Variants in EXOC6B observed in about 807,000 individuals in gnomAD.
EXOC6B encodes SEC15 homolog B.
In EXOC6B, 54 loss-of-function variants were observed where a neutral mutation model predicts 113.5. That is an observed-to-expected ratio of 0.48 (90% CI 0.38 to 0.60). EXOC6B has a LOEUF of 0.60. EXOC6B is among the 20% of genes least tolerant of loss of function. EXOC6B has a pLI of 0.00. For missense variants in EXOC6B, 797 were observed against 977.5 expected, an observed-to-expected ratio of 0.82 and a Z score of 2.46; for synonymous variants, 357 against 339.0, an observed-to-expected ratio of 1.05 and a Z score of -0.58.
intron 8 of EXOC6B, among the ~76,000 whole-genome samples, chr2:72,544,534 C>A (rs1014980587): frequency 6.6e-6 from 1 of 151,990 alleles, no homozygotes; most frequent in African/African-American, 2.4e-5. Flanking sequence ...TTAGGACGTG[C>A]TTGCTTCAAT....
At chr2:72,361,683 TC>T (rs1285507817) in intron 19 of EXOC6B, among the ~76,000 whole-genome samples, 1 of 152,172 alleles carries the variant, frequency 6.6e-6, no homozygotes, top group Admixed American at 6.6e-5. Context: ...AGTTCTGATG[TC>T]CCAGTGACAA....
intron 20 of EXOC6B, among the ~76,000 whole-genome samples, chr2:72,301,478 G>T (rs556204054): frequency 2.0e-5 from 3 of 152,208 alleles, no homozygotes; most frequent in Non-Finnish European, 2.9e-5. Context: ...ATCTAGTCCT[G>T]GGCTTTTTAT....
intron 18 of EXOC6B, among the ~76,000 whole-genome samples, chr2:72,425,541 A>G (rs1695154709): frequency 1.3e-5 from 2 of 152,308 alleles, no homozygotes; most frequent in Non-Finnish European, 1.5e-5. Context: ...AGCAATCAGC[A>G]TATTAATATG....
chr2:72,301,153 T>C (rs1686501127), intron 20 of EXOC6B, among the ~76,000 whole-genome samples: 1 of 152,230 alleles, frequency 6.6e-6, no homozygotes, highest in African/African-American at 2.4e-5. Context: ...CATTTACTGA[T>C]GTGTGTATGT....
At chr2:72,315,654 T>C (rs2104808017) in intron 20 of EXOC6B, among the ~76,000 whole-genome samples, 1 of 152,266 alleles carries the variant, frequency 6.6e-6, no homozygotes, top group South Asian at 2.1e-4. Flanking sequence ...AAACATAATT[T>C]GCTGACAGAT....
chr2:72,292,750 T>A (rs1164143103), intron 20 of EXOC6B, among the ~76,000 whole-genome samples: 2 of 152,202 alleles, frequency 1.3e-5, no homozygotes, highest in Non-Finnish European at 2.9e-5. Flanking sequence ...TACAGTTTTG[T>A]CACTTACAGA....
chr2:72,516,183 T>C (rs746282780), intron 8 of EXOC6B, among the ~76,000 whole-genome samples: 4 of 152,198 alleles, frequency 2.6e-5, no homozygotes, highest in Admixed American at 1.3e-4. Flanking sequence ...CTCTAGGAAA[T>C]GAATACAAAC....
intron 18 of EXOC6B, among the ~76,000 whole-genome samples, chr2:72,453,483 C>CT (rs1697028343): frequency 1.3e-5 from 2 of 152,096 alleles, no homozygotes; most frequent in South Asian, 2.1e-4. Flanking sequence ...TCCTGGTGAA[C>CT]TTTTTTCTCA....
intron 15 of EXOC6B, 40 bp downstream of exon 15, chr2:72,495,390 A>C (rs766010263): frequency 3.6e-6 from 4 of 1,114,936 alleles, no homozygotes; most frequent in Non-Finnish European, 5.2e-6. Flanking sequence ...TGGAGTCACA[A>C]TCTTAGCATT....
intron 6 of EXOC6B, among the ~76,000 whole-genome samples, chr2:72,691,455 G>GA (rs945644825): frequency 4.2e-4 from 63 of 151,548 alleles, no homozygotes; most frequent in African/African-American, 1.5e-3. Flanking sequence ...AAATTTAAAA[G>GA]AAAAAATCTG....
At chr2:72,203,939 T>G (rs1679662201) in intron 20 of EXOC6B, among the ~76,000 whole-genome samples, 1 of 152,208 alleles carries the variant, frequency 6.6e-6, no homozygotes, top group Non-Finnish European at 1.5e-5. Context: ...GCTTCTGGAA[T>G]TCTCTGGCCT....
intron 6 of EXOC6B, among the ~76,000 whole-genome samples, chr2:72,601,443 C>T (rs1233328583): frequency 5.3e-5 from 8 of 152,074 alleles, no homozygotes; most frequent in Admixed American, 5.2e-4. Context: ...CCTTGGCCTC[C>T]CAAAGTGCTG....
intron 6 of EXOC6B, among the ~76,000 whole-genome samples, chr2:72,605,619 T>C (rs1419322377): frequency 2.0e-5 from 3 of 152,236 alleles, no homozygotes; most frequent in Non-Finnish European, 2.9e-5. Context: ...TCTGTTTGTT[T>C]GGTAGGAAGA....
chr2:72,533,078 C>G (rs1019065962), intron 8 of EXOC6B, among the ~76,000 whole-genome samples: 1 of 152,106 alleles, frequency 6.6e-6, no homozygotes, highest in African/African-American at 2.4e-5. Context: ...AAAGCAATGC[C>G]TGGAAAGAGG....
chr2:72,240,819 C>A (rs999217577), intron 20 of EXOC6B, among the ~76,000 whole-genome samples: 1 of 152,180 alleles, frequency 6.6e-6, no homozygotes, highest in Non-Finnish European at 1.5e-5. Context: ...TAGAATTTGT[C>A]ACTACAGTTC....
chr2:72,627,675 A>AT (rs889846369), intron 6 of EXOC6B, among the ~76,000 whole-genome samples: 6 of 152,036 alleles, frequency 3.9e-5, no homozygotes, highest in African/African-American at 1.4e-4. Flanking sequence ...GCAGAAGGCT[A>AT]TTTTTTTTCC....
intron 1 of EXOC6B, among the ~76,000 whole-genome samples, chr2:72,820,738 TAAAA>T (rs1686536355): frequency 6.6e-6 from 1 of 151,838 alleles, no homozygotes; most frequent in African/African-American, 2.4e-5. Context: ...TTTTAAAAAA[TAAAA>T]AAAGCAGTCA....
intron 6 of EXOC6B, among the ~76,000 whole-genome samples, chr2:72,605,305 A>G (rs1670688898): frequency 6.6e-6 from 1 of 151,878 alleles, no homozygotes; most frequent in Non-Finnish European, 1.5e-5. Flanking sequence ...AAAGGAAAAA[A>G]AAAAGAAAAA....
chr2:72,234,329 T>G (rs1184466548), intron 20 of EXOC6B, among the ~76,000 whole-genome samples: 1 of 152,084 alleles, frequency 6.6e-6, no homozygotes, highest in African/African-American at 2.4e-5. Flanking sequence ...GTGATCCACC[T>G]GCCTCAGCCT....
Sources: gnomAD v4.1 joint callset for allele counts (sites outside exome capture counted in the v4.1 genomes callset) on GRCh38, gnomAD v4.1.1 for gene constraint, MANE v1.5 for transcripts, NCBI Gene and HGNC (gene_info 2026-07-23, HGNC 2026-07-21) for gene names.